OR52I2: variants seen among roughly 807,000 people sequenced by gnomAD.
OR52I2 encodes the protein olfactory receptor family 52 subfamily I member 2.
For missense variants in OR52I2, 350 were observed against 402.4 expected (o/e 0.87, Z 1.11); for synonymous variants, 147 against 151.9 (o/e 0.97, Z 0.24).
In OR52I2 at chr11:4,587,763, C is replaced by T. The variant is rs148544990; in HGVS notation, c.873C>T (p.Thr291=). The change falls in exon 2 of 2, where the codon ACC becomes ACT. Residue 291 remains threonine (T), a synonymous_variant. Transcript: ENST00000641896. ...ACCTGTACGTGATCATCCCAGCCAC[C>T]TTAAATCCCATCATCTATGGCATGA... The T allele has an allele frequency of 3.5e-5, 56 of 1,614,164 alleles. No individual in the cohort carries two copies. The African/African-American group carries it at 4.5e-4, about 13-fold the overall frequency.
exon 2 of OR52I2, chr11:4,589,992 A>C (rs1475475747): frequency 1.3e-5 from 2 of 151,388 alleles, no homozygotes; most frequent in East Asian, 1.9e-4. Flanking sequence ...CCAGGTCTGC[A>C]TGTGAATATC....
exon 2 of OR52I2, chr11:4,590,560 A>C (rs1564861077): frequency 6.6e-6 from 1 of 152,248 alleles, no homozygotes; most frequent in Non-Finnish European, 1.5e-5. Context: ...TCCAGGGCTG[A>C]GGCCTCAGCA....
At chr11:4,587,217 C>T in exon 2 of OR52I2, 1 of 1,614,180 alleles carries the variant, frequency 6.2e-7, no homozygotes, top group Non-Finnish European at 8.5e-7. Context: ...TTTTTGTCCA[C>T]TTAGCCACAG....
At chr11:4,587,532 T>A (rs936380975) in exon 2 of OR52I2, 3 of 1,614,068 alleles carry the variant, frequency 1.9e-6, no homozygotes, top group Non-Finnish European at 2.5e-6. Flanking sequence ...TGGGCTCTGA[T>A]GTGGCCTTCA....
chr11:4,582,433 C>CCTTTTTTTTTTTTTTTTTTTT (rs1564859030), intron 1 of OR52I2, among the ~76,000 whole-genome samples: 1 of 74,664 alleles, frequency 1.3e-5, no homozygotes. Context: ...ATTTATTTTT[C>CCTTTTTTTTTTTTTTTTTTTT]ATTTTTTTTT....
chr11:4,582,067 G>A (rs985699816), intron 1 of OR52I2, among the ~76,000 whole-genome samples: 81 of 152,194 alleles, frequency 5.3e-4, no homozygotes, highest in African/African-American at 1.7e-3. Flanking sequence ...GAGAGGGAAC[G>A]GAAATATGGT....
exon 2 of OR52I2, chr11:4,589,683 C>G (rs2133189253): frequency 6.6e-6 from 1 of 151,980 alleles, no homozygotes. Context: ...GGTGGAGAGA[C>G]AGTTTTATGG....
exon 2 of OR52I2, chr11:4,586,890 G>A (rs1846305788): frequency 6.2e-7 from 1 of 1,614,150 alleles, no homozygotes; most frequent in African/African-American, 1.3e-5. Flanking sequence ...TCTCACTTGT[G>A]ATGCTGGGTC....
exon 2 of OR52I2, chr11:4,592,779 G>A (rs926543164): frequency 2.0e-5 from 3 of 152,216 alleles, no homozygotes; most frequent in African/African-American, 4.8e-5. Context: ...AGGCAATGGA[G>A]GGTGAATACA....
intron 1 of OR52I2, among the ~76,000 whole-genome samples, chr11:4,584,744 A>G (rs1385490569): frequency 3.3e-5 from 5 of 152,190 alleles, no homozygotes; most frequent in African/African-American, 4.8e-5. Flanking sequence ...TCATAGTCCA[A>G]TTAGAAGAAT....
At chr11:4,584,485 CT>C (rs1293635712) in intron 1 of OR52I2, among the ~76,000 whole-genome samples, 2 of 152,106 alleles carry the variant, frequency 1.3e-5, no homozygotes, top group African/African-American at 2.4e-5. Context: ...GCAATTTAGC[CT>C]GAAAAAGAAA....
intron 1 of OR52I2, among the ~76,000 whole-genome samples, chr11:4,584,730 CTCA>C (rs1846286223): frequency 6.6e-6 from 1 of 152,050 alleles, no homozygotes; most frequent in Non-Finnish European, 1.5e-5. Context: ...TAGTGGGCTC[CTCA>C]TCATAGTCCA....
intron 1 of OR52I2, 159 bp from the exon 2 acceptor site, chr11:4,586,713 G>A (rs780124778): frequency 2.0e-5 from 18 of 917,628 alleles, no homozygotes; most frequent in Non-Finnish European, 3.0e-5. Context: ...AGAATATTAA[G>A]GAGGATAAAA....
At chr11:4,587,803 C>T (rs747433430) in exon 2 of OR52I2, 139 of 1,613,960 alleles carry the variant, frequency 8.6e-5, no homozygotes, top group Non-Finnish European at 1.1e-4. Flanking sequence ...CAAACAACTG[C>T]GGGAGAGAAT....
At chr11:4,583,331 G>A (rs928502108) in intron 1 of OR52I2, among the ~76,000 whole-genome samples, 11 of 152,118 alleles carry the variant, frequency 7.2e-5, no homozygotes, top group African/African-American at 2.7e-4. Flanking sequence ...TTCCAGGGCT[G>A]GTGAGAGGAG....
intron 1 of OR52I2, among the ~76,000 whole-genome samples, chr11:4,586,360 G>C (rs1846300774): frequency 6.6e-6 from 1 of 152,060 alleles, no homozygotes; most frequent in Non-Finnish European, 1.5e-5. Context: ...TGAGCGTACA[G>C]AGATGAAAGA....
chr11:4,590,190 G>A (rs1175983859), exon 2 of OR52I2: 1 of 152,186 alleles, frequency 6.6e-6, no homozygotes, highest in Non-Finnish European at 1.5e-5. Flanking sequence ...CTATCTATCT[G>A]AGATTTGTGC....
chr11:4,584,377 C>G (rs1266703318), intron 1 of OR52I2, among the ~76,000 whole-genome samples: 4 of 152,184 alleles, frequency 2.6e-5, no homozygotes, highest in Non-Finnish European at 5.9e-5. Context: ...TATTCTAGTC[C>G]ATTCTTGGCA....
chr11:4,586,293 T>TA (rs1393951814), intron 1 of OR52I2, among the ~76,000 whole-genome samples: 2 of 152,154 alleles, frequency 1.3e-5, no homozygotes, highest in Non-Finnish European at 2.9e-5. Flanking sequence ...GTACCAAGGA[T>TA]AAAAAATACG....
Sources: gnomAD v4.1 joint callset for allele counts (sites outside exome capture counted in the v4.1 genomes callset) on GRCh38, gnomAD v4.1.1 for gene constraint, MANE v1.5 for transcripts, NCBI Gene and HGNC (gene_info 2026-07-23, HGNC 2026-07-21) for gene names.